XRCC4: variants seen among roughly 807,000 people sequenced by gnomAD.
XRCC4 encodes the protein X-ray repair cross complementing 4.
A neutral mutation model predicts 39.1 loss-of-function variants in XRCC4; 28 were observed. That is an observed-to-expected ratio of 0.72 (90% CI 0.53 to 0.98). The LOEUF (loss-of-function observed/expected upper bound fraction) is 0.98. Among genes scored for constraint, XRCC4 ranks in the 50% least tolerant of loss-of-function variants. The pLI is 0.00. For missense variants in XRCC4, 350 were observed against 376.4 expected, an observed-to-expected ratio of 0.93 and a Z score of 0.58; for synonymous variants, 123 against 126.4, an observed-to-expected ratio of 0.97 and a Z score of 0.18.
At chr5:83,218,958 T>G (rs2112781658) in intron 6 of XRCC4, among the ~76,000 whole-genome samples, 1 of 152,196 alleles carries the variant, frequency 6.6e-6, no homozygotes, top group South Asian at 2.1e-4. Context: ...ACTGAGTGAC[T>G]TGAACAACAG....
chr5:83,308,196 A>C (rs1032442434), intron 7 of XRCC4, among the ~76,000 whole-genome samples: 2 of 152,208 alleles, frequency 1.3e-5, no homozygotes, highest in African/African-American at 4.8e-5. Context: ...CATCAATAAA[A>C]CAAAGCTTGA....
At chr5:83,083,618 C>T (rs1487213103) in intron 1 of XRCC4, among the ~76,000 whole-genome samples, 2 of 152,040 alleles carry the variant, frequency 1.3e-5, no homozygotes, top group Non-Finnish European at 2.9e-5. Context: ...CCTCGTGATC[C>T]ACCCGCCTCA....
Position 83,204,803 on chromosome 5 carries a change from C to T in XRCC4, c.639-12C>T. The T allele has an allele frequency of 6.2e-7, 1 of 1,600,424 alleles. No homozygotes were observed. The highest frequency in any genetic ancestry group is 8.5e-7 in the Non-Finnish European group (1 of 1,170,816). On this transcript the variant is annotated splice_polypyrimidine_tract_variant and intron_variant, in intron 5 of 7. Coordinates refer to ENST00000396027, the MANE Select transcript of XRCC4 (RefSeq NM_003401.5). ...GCCAGTTATTTATAATTCTACCTTTCTCTGTTTCTAGGGAAACTGCAATCT... is the reference window on the plus strand; with the variant it reads ...GCCAGTTATTTATAATTCTACCTTTTTCTGTTTCTAGGGAAACTGCAATCT...
intron 7 of XRCC4, among the ~76,000 whole-genome samples, chr5:83,352,454 T>C (rs1237999503): frequency 6.6e-6 from 1 of 152,168 alleles, no homozygotes; most frequent in African/African-American, 2.4e-5. Context: ...TAAGACCAAT[T>C]AATAGTGATC....
At chr5:83,086,828 T>G (rs570746426) in intron 1 of XRCC4, among the ~76,000 whole-genome samples, 1 of 152,340 alleles carries the variant, frequency 6.6e-6, no homozygotes, top group African/African-American at 2.4e-5. Flanking sequence ...GTTCTCTCTC[T>G]TTCTCATTTT....
At chr5:83,190,615 T>C (rs1272153010) in intron 3 of XRCC4, among the ~76,000 whole-genome samples, 1 of 152,196 alleles carries the variant, frequency 6.6e-6, no homozygotes, top group Non-Finnish European at 1.5e-5. Flanking sequence ...CTTTAGTGGA[T>C]ATATTTTAAG....
intron 6 of XRCC4, among the ~76,000 whole-genome samples, chr5:83,224,738 A>G (rs1039673361): frequency 5.3e-5 from 8 of 152,278 alleles, no homozygotes; most frequent in African/African-American, 1.9e-4. Context: ...GAAAGTTTTC[A>G]TCACCTCTTC....
chr5:83,141,366 C>T (rs1377826299), intron 3 of XRCC4, among the ~76,000 whole-genome samples: 1 of 152,138 alleles, frequency 6.6e-6, no homozygotes, highest in African/African-American at 2.4e-5. Flanking sequence ...ATGTTGTTTT[C>T]TTAGATGTTG....
intron 6 of XRCC4, among the ~76,000 whole-genome samples, chr5:83,236,569 G>C (rs28857835): frequency 0.085 from 12,915 of 151,956 alleles, 834 homozygotes; most frequent in African/African-American, 0.17. Context: ...AAATCAAAAT[G>C]GATTAAAGAC....
chr5:83,303,713 A>G (rs1018713493), intron 7 of XRCC4, among the ~76,000 whole-genome samples: 5 of 152,186 alleles, frequency 3.3e-5, no homozygotes, highest in African/African-American at 4.8e-5. Context: ...ATTCACTTAG[A>G]GAGGCAGCAC....
At chr5:83,336,265 A>G (rs765538840) in intron 7 of XRCC4, among the ~76,000 whole-genome samples, 7 of 152,094 alleles carry the variant, frequency 4.6e-5, no homozygotes, top group Non-Finnish European at 7.4e-5. Context: ...ATTCAGCTAA[A>G]TATTTTCTGT....
chr5:83,153,105 A>G (rs1367380209), intron 3 of XRCC4, among the ~76,000 whole-genome samples: 3 of 152,190 alleles, frequency 2.0e-5, no homozygotes, highest in South Asian at 2.1e-4. Context: ...ATTTTGTTCT[A>G]TCAGTGGAAT....
chr5:83,307,444 A>G (rs1343467484), intron 7 of XRCC4, among the ~76,000 whole-genome samples: 2 of 152,212 alleles, frequency 1.3e-5, no homozygotes, highest in African/African-American at 2.4e-5. Flanking sequence ...AAATTCACAA[A>G]ATCTATATTT....
intron 7 of XRCC4, among the ~76,000 whole-genome samples, chr5:83,294,415 C>T (rs914100791): frequency 3.9e-5 from 6 of 151,988 alleles, no homozygotes; most frequent in Non-Finnish European, 7.4e-5. Context: ...ATAGCTTTAC[C>T]GATTACTTTA....
At chr5:83,185,377 AC>A (rs1443596800) in intron 3 of XRCC4, among the ~76,000 whole-genome samples, 2 of 147,434 alleles carry the variant, frequency 1.4e-5, no homozygotes, top group African/African-American at 2.5e-5. Context: ...AAAAAAAAAA[AC>A]AACACTTTAT....
At chr5:83,261,598 A>C (rs1028963821) in intron 7 of XRCC4, among the ~76,000 whole-genome samples, 1 of 117,056 alleles carries the variant, frequency 8.5e-6, no homozygotes, top group African/African-American at 2.9e-5. Context: ...GGTCATAAGT[A>C]CTATGGCTTA....
At chr5:83,281,520 T>A (rs1324823114) in intron 7 of XRCC4, among the ~76,000 whole-genome samples, 1 of 152,056 alleles carries the variant, frequency 6.6e-6, no homozygotes, top group East Asian at 1.9e-4. Flanking sequence ...TTTTTTTAAT[T>A]TTGTACCATC....
chr5:83,189,723 T>C (rs185317532), intron 3 of XRCC4, among the ~76,000 whole-genome samples: 4 of 152,342 alleles, frequency 2.6e-5, no homozygotes, highest in Admixed American at 1.3e-4. Context: ...GATATGTTAC[T>C]GTCCCTTTTA....
At chr5:83,089,918 G>A (rs1407999341) in intron 1 of XRCC4, among the ~76,000 whole-genome samples, 1 of 152,158 alleles carries the variant, frequency 6.6e-6, no homozygotes, top group Non-Finnish European at 1.5e-5. Flanking sequence ...CTTAGGAACA[G>A]CCAAATGAGA....
Sources: gnomAD v4.1 joint callset for allele counts (sites outside exome capture counted in the v4.1 genomes callset) on GRCh38, gnomAD v4.1.1 for gene constraint, MANE v1.5 for transcripts, NCBI Gene and HGNC (gene_info 2026-07-23, HGNC 2026-07-21) for gene names.